DISC1: variants seen among roughly 807,000 people sequenced by gnomAD.
The protein encoded by DISC1 is DISC1 scaffold protein.
In DISC1, 57 loss-of-function variants were observed where a neutral mutation model predicts 84.5. That is an observed-to-expected ratio of 0.67 (90% CI 0.55 to 0.84). DISC1 has a LOEUF of 0.84. Ranked by LOEUF, DISC1 falls within the 40% of genes least tolerant of loss-of-function variation. The pLI, the probability that DISC1 is intolerant of heterozygous loss-of-function variation, is 0.00. For synonymous variants in DISC1, 411 were observed against 415.2 expected (o/e 0.99, Z 0.12); for missense variants, 1,000 against 1,057.8 (o/e 0.95, Z 0.76).
At chr1:231,873,502 A>G (rs1398755866) in intron 9 of DISC1, among the ~76,000 whole-genome samples, 2 of 152,210 alleles carry the variant, frequency 1.3e-5, no homozygotes, top group East Asian at 3.8e-4. Flanking sequence ...TAGTGATTTG[A>G]AAACCAAAGT....
chr1:231,731,465 T>G (rs545213513), intron 3 of DISC1, among the ~76,000 whole-genome samples: 2 of 152,204 alleles, frequency 1.3e-5, no homozygotes, highest in Non-Finnish European at 2.9e-5. Context: ...TCTCAGGTGT[T>G]GCCATGGCAA....
intron 3 of DISC1, among the ~76,000 whole-genome samples, chr1:231,715,160 C>A (rs2068515519): frequency 1.3e-5 from 2 of 152,120 alleles, no homozygotes; most frequent in African/African-American, 4.8e-5. Flanking sequence ...ATTAGCCAAG[C>A]CTGGCTACCT....
intron 9 of DISC1, among the ~76,000 whole-genome samples, chr1:231,892,667 A>G (rs964954440): frequency 2.9e-4 from 42 of 144,878 alleles, no homozygotes; most frequent in Non-Finnish European, 5.3e-4. Flanking sequence ...AAAACAGGCA[A>G]TTATAAAAAA....
chr1:231,848,010 AT>A (rs1220251979), intron 9 of DISC1, among the ~76,000 whole-genome samples: 1 of 152,134 alleles, frequency 6.6e-6, no homozygotes, highest in African/African-American at 2.4e-5. Context: ...CCAAGACTTT[AT>A]TTTTTTAGGT....
intron 8 of DISC1, among the ~76,000 whole-genome samples, chr1:231,813,860 T>G (rs2738877): frequency 0.66 from 100,944 of 151,878 alleles, 33,871 homozygotes; most frequent in East Asian, 0.81. Flanking sequence ...CTAGTATTTG[T>G]TTTTTCTTTG....
intron 9 of DISC1, among the ~76,000 whole-genome samples, chr1:231,873,505 A>G: frequency 6.6e-6 from 1 of 152,196 alleles, no homozygotes; most frequent in Non-Finnish European, 1.5e-5. Flanking sequence ...TGATTTGAAA[A>G]CCAAAGTGAA....
chr1:231,914,833 C>T (rs1040091628), intron 9 of DISC1, among the ~76,000 whole-genome samples: 1 of 152,116 alleles, frequency 6.6e-6, no homozygotes, highest in East Asian at 1.9e-4. Flanking sequence ...TTGGCAAAGA[C>T]AAAATGAGAG....
At chr1:232,013,048 C>G (rs1377772162) in intron 11 of DISC1, among the ~76,000 whole-genome samples, 1 of 152,218 alleles carries the variant, frequency 6.6e-6, no homozygotes, top group Non-Finnish European at 1.5e-5. Flanking sequence ...GGGGGCCAGA[C>G]AGGAGCCAGG....
chr1:231,993,382 A>G (rs1382115618), intron 10 of DISC1, among the ~76,000 whole-genome samples: 9 of 151,468 alleles, frequency 5.9e-5, no homozygotes, highest in African/African-American at 2.2e-4. Context: ...TAGATGGGAT[A>G]GATTGGAAGT....
At chr1:231,725,718 T>C (rs1241227381) in intron 3 of DISC1, among the ~76,000 whole-genome samples, 3 of 152,188 alleles carry the variant, frequency 2.0e-5, no homozygotes, top group Non-Finnish European at 4.4e-5. Context: ...AAGCCCCAGT[T>C]TGGGGGCTTG....
At chr1:231,921,767 A>G (rs1185872267) in intron 9 of DISC1, among the ~76,000 whole-genome samples, 8 of 151,172 alleles carry the variant, frequency 5.3e-5, no homozygotes, top group Non-Finnish European at 8.8e-5. Flanking sequence ...AATGATTACC[A>G]CAATCCAGCT....
intron 1 of DISC1, among the ~76,000 whole-genome samples, chr1:231,687,149 C>T (rs2064386612): frequency 6.6e-6 from 1 of 152,220 alleles, no homozygotes; most frequent in African/African-American, 2.4e-5. Flanking sequence ...ACTGTTCCAG[C>T]CTCTGCCTAT....
intron 3 of DISC1, among the ~76,000 whole-genome samples, chr1:231,730,449 G>A (rs1022553558): frequency 6.6e-6 from 1 of 152,146 alleles, no homozygotes; most frequent in African/African-American, 2.4e-5. Flanking sequence ...TTTAGATTCA[G>A]GGGATACATG....
intron 9 of DISC1, among the ~76,000 whole-genome samples, chr1:231,887,783 T>A (rs114418088): frequency 6.6e-6 from 1 of 152,236 alleles, no homozygotes; most frequent in African/African-American, 2.4e-5. Context: ...GTGGGGAAAA[T>A]AAAGCAAGGA....
At chr1:231,969,598 CT>C (rs59866510) in intron 10 of DISC1, among the ~76,000 whole-genome samples, 85,819 of 126,202 alleles carry the variant, frequency 0.68, 25,877 homozygotes, top group Admixed American at 0.74. Context: ...TTCTTTCTTT[CT>C]TTTTTTTTTT....
At chr1:232,011,819 G>C (rs1388836346) in intron 11 of DISC1, among the ~76,000 whole-genome samples, 1 of 151,504 alleles carries the variant, frequency 6.6e-6, no homozygotes, top group Non-Finnish European at 1.5e-5. Context: ...TAAAAACCGG[G>C]CTATAGATGT....
rs1369481529 is a variant in DISC1 at position 232,010,786 on chromosome 1, TG to T, written c.2307+1743del. 6.6e-5 allele frequency among the ~76,000 whole-genome samples: 10 copies of T among 152,218 alleles called. No individual in the cohort carries two copies. The East Asian group carries it at 1.7e-3, about 27-fold the overall frequency. ...GGAGTATGATTTAATGGCAATAAACTGGGGGGAGCTTAGCAAGGCCTGTTTG... is the reference window on the plus strand; with the variant it reads ...GGAGTATGATTTAATGGCAATAAACTGGGGGAGCTTAGCAAGGCCTGTTTG... On this transcript the variant is annotated intron_variant, in intron 11 of 12. Transcript: ENST00000439617.
chr1:231,762,161 T>G (rs2075732565), intron 4 of DISC1, among the ~76,000 whole-genome samples: 1 of 148,322 alleles, frequency 6.7e-6, no homozygotes. Context: ...TTCTTTTTCT[T>G]TCTTTCTTTC....
At chr1:231,921,131 GTCTCAA>G (rs2089977972) in intron 9 of DISC1, among the ~76,000 whole-genome samples, 2 of 151,670 alleles carry the variant, frequency 1.3e-5, no homozygotes, top group African/African-American at 4.8e-5. Flanking sequence ...GGCCAGGGTA[GTCTCAA>G]TCTCCTGACC....
Sources: allele counts gnomAD v4.1 joint callset (sites outside exome capture counted in the v4.1 genomes callset), GRCh38; gene constraint gnomAD v4.1.1; transcripts MANE v1.5; gene names NCBI Gene and HGNC (gene_info 2026-07-23, HGNC 2026-07-21).